The following MRFAP1L2 variants were observed in gnomAD, a reference collection of about 807,000 sequenced individuals.
MRFAP1L2 encodes the protein MORF4 family-associated protein 1-like protein UPP.
At chr4:6,674,162 G>A in the MRFAP1L2 span, 1 of 386,466 alleles carries the variant, frequency 2.6e-6, no homozygotes, top group Non-Finnish European at 4.6e-6. Flanking sequence ...CGCGCTCGCT[G>A]CTGGTGAGCA....
chr4:6,675,412 A>G, the MRFAP1L2 span: 2 of 152,144 alleles, frequency 1.3e-5, no homozygotes, highest in African/African-American at 4.8e-5. Flanking sequence ...AAGACACTAC[A>G]TGGTTGCAGC....
the MRFAP1L2 span, chr4:6,674,656 G>T: frequency 3.7e-6 from 2 of 539,790 alleles, no homozygotes; most frequent in Non-Finnish European, 6.5e-6. Flanking sequence ...GGAGGGGAGC[G>T]CAGAGCCGTG....
the MRFAP1L2 span, chr4:6,674,622 G>C: frequency 1.7e-6 from 1 of 577,582 alleles, no homozygotes; most frequent in South Asian, 2.0e-5. Context: ...GGAGTGTCCC[G>C]CGTGGAAGGC....
the MRFAP1L2 span, chr4:6,674,267 C>T: frequency 6.3e-6 from 3 of 477,264 alleles, no homozygotes; most frequent in Non-Finnish European, 7.3e-6. Context: ...GCCGGGCAGC[C>T]CGCTGAGCCC....
At chr4:6,674,710 A>G in the MRFAP1L2 span, 1 of 523,352 alleles carries the variant, frequency 1.9e-6, no homozygotes, top group Non-Finnish European at 3.3e-6. Context: ...TTCATAGGTA[A>G]TTAGAGAAAA....
chr4:6,674,308 C>G, the MRFAP1L2 span: 4 of 599,894 alleles, frequency 6.7e-6, no homozygotes, highest in Non-Finnish European at 1.2e-5. Flanking sequence ...AGAACCTGGC[C>G]TCCCTGGAGC....
chr4:6,674,110 G>A, the MRFAP1L2 span: 6 of 382,230 alleles, frequency 1.6e-5, no homozygotes, highest in Admixed American at 4.5e-5. Context: ...GAAAGTTGGG[G>A]CAACCTGTTG....
At chr4:6,674,594 T>G in the MRFAP1L2 span, 1 of 611,344 alleles carries the variant, frequency 1.6e-6, no homozygotes, top group South Asian at 1.8e-5. Flanking sequence ...CGCGCGGGTC[T>G]GGAGCGGAGC....
At chr4:6,674,121 C>T in the MRFAP1L2 span, 12 of 382,998 alleles carry the variant, frequency 3.1e-5, no homozygotes, top group Non-Finnish European at 4.6e-5. Flanking sequence ...CAACCTGTTG[C>T]TAGTCTGGTC....
chr4:6,674,592 T>C, the MRFAP1L2 span: 2 of 613,146 alleles, frequency 3.3e-6, no homozygotes, highest in South Asian at 3.6e-5. Flanking sequence ...GCCGCGCGGG[T>C]CTGGAGCGGA....
At chr4:6,674,192 G>C in the MRFAP1L2 span, 1 of 393,022 alleles carries the variant, frequency 2.5e-6, no homozygotes, top group South Asian at 9.4e-5. Flanking sequence ...TGCCCCGCGG[G>C]CTGGAAGAGG....
chr4:6,676,024 G>A, the MRFAP1L2 span: 27 of 152,380 alleles, frequency 1.8e-4, no homozygotes, highest in African/African-American at 6.3e-4. Context: ...AAAAGGTAAG[G>A]TAAATAAACA....
At chr4:6,674,634 C>T in the MRFAP1L2 span, 5 of 562,828 alleles carry the variant, frequency 8.9e-6, no homozygotes, top group East Asian at 1.7e-4. Flanking sequence ...GTGGAAGGCG[C>T]TGGGTAGGCA....
At chr4:6,674,722 A>G in the MRFAP1L2 span, 1 of 523,772 alleles carries the variant, frequency 1.9e-6, no homozygotes, top group Non-Finnish European at 3.3e-6. Context: ...TAGAGAAAAT[A>G]ATTTGATATG....
At chr4:6,674,424 G>A in the MRFAP1L2 span, 2 of 654,462 alleles carry the variant, frequency 3.1e-6, no homozygotes, top group Non-Finnish European at 5.5e-6. Context: ...CGGGGCGCCC[G>A]GGCCCCAGCA....
chr4:6,674,174 C>T, the MRFAP1L2 span: 3 of 389,480 alleles, frequency 7.7e-6, no homozygotes, highest in Non-Finnish European at 9.1e-6. Flanking sequence ...TGGTGAGCAG[C>T]CCCGGCGTGC....
the MRFAP1L2 span, chr4:6,675,004 A>C: frequency 6.4e-6 from 1 of 156,544 alleles, no homozygotes; most frequent in East Asian, 1.9e-4. Flanking sequence ...TGGCCAACTG[A>C]CGAACTGTGT....
chr4:6,674,225 G>A, the MRFAP1L2 span: 1 of 405,182 alleles, frequency 2.5e-6, no homozygotes, highest in Non-Finnish European at 4.3e-6. Flanking sequence ...GCGGCCCGTG[G>A]ACGCGGACGA....
the MRFAP1L2 span, chr4:6,675,480 T>C: frequency 3.0e-5 from 4 of 134,644 alleles, no homozygotes; most frequent in Admixed American, 3.1e-4. Context: ...TGGATGAGAT[T>C]AAGAAGGCCC....
Sources: allele counts gnomAD v4.1 joint callset, GRCh38; gene constraint gnomAD v4.1.1; transcripts MANE v1.5; gene names NCBI Gene and HGNC (gene_info 2026-07-23, HGNC 2026-07-21).